The following GPHN variants were observed in gnomAD, a reference collection of about 807,000 sequenced individuals.
GPHN encodes the protein gephyrin.
Under a neutral mutation model 95.5 loss-of-function variants are expected in GPHN, and 17 were observed. The ratio of observed to expected loss-of-function variants is 0.18; its 90% CI spans 0.12 to 0.27. GPHN has a LOEUF of 0.27. Among genes scored for constraint, GPHN ranks in the 10% least tolerant of loss-of-function variants. The probability of loss-of-function intolerance (pLI) is 1.00; values close to 1 mark genes in which losing one functional copy is unlikely to be tolerated. For synonymous variants in GPHN, 320 were observed against 322.5 expected (o/e 0.99, Z 0.08); for missense variants, 660 against 978.1 (o/e 0.67, Z 4.34).
Position 66,857,925 on chromosome 14 carries a change from A to G in GPHN, c.295-22014A>G, listed in dbSNP as rs114760544. 3.9e-3 allele frequency among the ~76,000 whole-genome samples: 600 copies of G among 152,280 alleles called. 6 individuals are homozygous for G. The highest frequency in any genetic ancestry group is 0.013 in the African/African-American group (561 of 41,566). ...TGCTGCCCTGTCACAGCAGAAAGCA[A>G]CACCAGGCTTAACTCAACTGAATAC... is the stretch of plus-strand genomic sequence containing the variant. On this transcript the variant is annotated intron_variant, in intron 4 of 22. Coordinates refer to ENST00000478722, the MANE Select transcript of GPHN (RefSeq NM_020806.5).
rs112153181 is a variant in GPHN, at chr14:66,916,478, G to GTT, written c.456+425_456+426dup. Among the ~76,000 whole-genome samples the GTT allele has an allele frequency of 1.0e-3, 87 of 85,458 alleles. 1 individual carries two copies. The highest frequency in any genetic ancestry group is 3.2e-3 in the African/African-American group (74 of 23,384). 56.1% of individuals were successfully genotyped at this position (85,458 alleles called of 152,430 possible). A position where few individuals can be genotyped will look rare whatever the true frequency, so the allele number is the denominator to read the frequency against. On this transcript the variant is annotated intron_variant, in intron 6 of 22. Coordinates refer to ENST00000478722, the MANE Select transcript of GPHN (RefSeq NM_020806.5). ...CTCACCTGAGTTTTTGATGTCCAGAGTTTTTTTTTTTTTTTTTGGTTTGGT... is the reference window on the plus strand; with the variant it reads ...CTCACCTGAGTTTTTGATGTCCAGAGTTTTTTTTTTTTTTTTTTTGGTTTGGT...
chr14:66,621,428 CTT>C (rs143345607), intron 1 of GPHN, among the ~76,000 whole-genome samples: 42 of 137,982 alleles, frequency 3.0e-4, no homozygotes, highest in African/African-American at 4.3e-4. Flanking sequence ...GCTGTCAAAT[CTT>C]TTTTTTTTTT....
chr14:67,407,960 G>A, the GPHN span, among the ~76,000 whole-genome samples: 1 of 152,010 alleles, frequency 6.6e-6, no homozygotes, highest in Non-Finnish European at 1.5e-5. Context: ...CTCCAGCCTG[G>A]GTAACATACT....
the GPHN span, chr14:67,586,751 C>T: frequency 7.8e-7 from 1 of 1,274,314 alleles, no homozygotes; most frequent in Non-Finnish European, 1.0e-6. Flanking sequence ...AATACCACCC[C>T]TGCTAAAGGG....
the GPHN span, among the ~76,000 whole-genome samples, chr14:67,545,051 A>G: frequency 4.4e-3 from 674 of 152,340 alleles, 18 homozygotes; most frequent in East Asian, 0.062. Context: ...AAAGAACCTC[A>G]AATAACAATG....
At chr14:66,864,500 C>T (rs974498761) in intron 4 of GPHN, among the ~76,000 whole-genome samples, 5 of 152,114 alleles carry the variant, frequency 3.3e-5, no homozygotes, top group Middle Eastern at 3.4e-3. Context: ...AGGCCAGGTG[C>T]GGTGGCTCAT....
intron 8 of GPHN, among the ~76,000 whole-genome samples, chr14:66,939,975 C>A (rs1261246572): frequency 4.6e-5 from 7 of 152,106 alleles, no homozygotes. Flanking sequence ...GAGGACAGCT[C>A]AAAAATCTCG....
At chr14:67,580,176 C>T in the GPHN span, 7 of 288,116 alleles carry the variant, frequency 2.4e-5, no homozygotes, top group East Asian at 1.6e-4. Flanking sequence ...TGAGGCCCCA[C>T]GAAGCCACTG....
chr14:67,203,317 A>C, the GPHN span: 4 of 1,535,690 alleles, frequency 2.6e-6, no homozygotes, highest in Non-Finnish European at 3.5e-6. Context: ...AGAAGAGGTT[A>C]AAGATCTCTC....
chr14:67,256,209 T>C, the GPHN span, among the ~76,000 whole-genome samples: 2 of 152,242 alleles, frequency 1.3e-5, no homozygotes, highest in Admixed American at 1.3e-4. Flanking sequence ...CAATATTGTA[T>C]ATATTCTTCT....
rs1049554209 is a variant in GPHN, at chr14:67,122,423, G to A, written c.1748+46G>A. 5.8e-6 allele frequency: 9 copies of A among 1,556,894 alleles called. No homozygotes were observed. The East Asian group carries it at 6.7e-5, about 12-fold the overall frequency. On this transcript the variant is annotated intron_variant, in intron 17 of 22. Coordinates refer to ENST00000478722, the MANE Select transcript of GPHN (RefSeq NM_020806.5). ...TGAAAAGTTTGTATTGTACAAATAC[G>A]AGTTTTTGGAATACTCATTAGGTGG...
chr14:66,952,405 T>C (rs535123708), intron 8 of GPHN, among the ~76,000 whole-genome samples: 2 of 152,306 alleles, frequency 1.3e-5, no homozygotes, highest in South Asian at 4.1e-4. Flanking sequence ...TTGTAAGGTA[T>C]ACTGCATTTA....
At chr14:67,507,878 C>T in the GPHN span, among the ~76,000 whole-genome samples, 1 of 152,146 alleles carries the variant, frequency 6.6e-6, no homozygotes, top group Non-Finnish European at 1.5e-5. Context: ...TTGGCTCACG[C>T]CTGTAGTCCC....
the GPHN span, among the ~76,000 whole-genome samples, chr14:67,324,441 A>G: frequency 6.6e-6 from 1 of 151,998 alleles, no homozygotes; most frequent in Non-Finnish European, 1.5e-5. Context: ...TTTGCTCCAT[A>G]TTTATTAAAT....
At chr14:67,198,104 T>A in the GPHN span, 1 of 1,565,988 alleles carries the variant, frequency 6.4e-7, no homozygotes, top group Non-Finnish European at 8.6e-7. Flanking sequence ...AAATTCTCTC[T>A]GTATCCACTA....
At chr14:67,713,334 C>T in the GPHN span, among the ~76,000 whole-genome samples, 2 of 136,874 alleles carry the variant, frequency 1.5e-5, no homozygotes, top group African/African-American at 5.5e-5. Context: ...AAAGGAGTTA[C>T]CTGCTTTCCA....
the GPHN span, among the ~76,000 whole-genome samples, chr14:67,346,459 A>G: frequency 2.0e-5 from 3 of 152,238 alleles, no homozygotes; most frequent in South Asian, 6.2e-4. Context: ...CCACAGGCGC[A>G]TGCCACCAGG....
chr14:67,674,590 C>A, the GPHN span: 1 of 946,196 alleles, frequency 1.1e-6, no homozygotes, highest in Non-Finnish European at 1.5e-6. Flanking sequence ...TAACGGCGAC[C>A]GCCGCACCAC....
At chr14:67,685,057 G>A in the GPHN span, 1 of 1,613,672 alleles carries the variant, frequency 6.2e-7, no homozygotes, top group African/African-American at 1.3e-5. Flanking sequence ...TTCTGTTAAG[G>A]CACAGTGCAG....
Sources: gnomAD v4.1 joint callset for allele counts (sites outside exome capture counted in the v4.1 genomes callset) on GRCh38, gnomAD v4.1.1 for gene constraint, MANE v1.5 for transcripts, NCBI Gene and HGNC (gene_info 2026-07-23, HGNC 2026-07-21) for gene names.